ESR2: variants seen among roughly 807,000 people sequenced by gnomAD.
ESR2 encodes estrogen receptor beta.
Under a neutral mutation model 49.6 loss-of-function variants are expected in ESR2, and 36 were observed. The ratio of observed to expected loss-of-function variants is 0.73; its 90% CI spans 0.56 to 0.96. ESR2 has a LOEUF of 0.96. Among genes scored for constraint, ESR2 ranks in the 40% least tolerant of loss-of-function variants. The pLI is 0.00. For missense variants in ESR2, 714 were observed against 693.0 expected (o/e 1.03, Z -0.34); for synonymous variants, 320 against 266.1 (o/e 1.20, Z -1.97).
At chr14:64,271,471 G>A (rs145855293) in intron 3 of ESR2, among the ~76,000 whole-genome samples, 3,415 of 152,166 alleles carry the variant, frequency 0.022, 101 homozygotes, top group East Asian at 0.086. Flanking sequence ...GACTACAGGC[G>A]CATGCCGCCA....
rs2098728617 is a variant in ESR2 at position 64,232,906 on chromosome 14, A to T, written c.*231T>A. The T allele has an allele frequency of 1.4e-6, 1 of 692,432 alleles. No homozygotes were observed. The highest frequency in any genetic ancestry group is 4.1e-5 in the South Asian group (1 of 24,614). 42.9% of individuals were successfully genotyped at this position (692,432 alleles called of 1,614,324 possible). ...ACACTGAGATCCTATGAGGCCATTG[A>T]GTGTGGAAACGCTGCATTCAAATGT... On this transcript the variant is annotated 3_prime_UTR_variant, in exon 9 of 9. Coordinates refer to ENST00000341099, the MANE Select transcript of ESR2 (RefSeq NM_001437.3).
At chr14:64,280,558 C>T (rs1268350337) in intron 2 of ESR2, among the ~76,000 whole-genome samples, 2 of 152,186 alleles carry the variant, frequency 1.3e-5, no homozygotes, top group Non-Finnish European at 2.9e-5. Flanking sequence ...CTAGAGTTCA[C>T]GAATGCTGCA....
chr14:64,281,997 GAAAGT>G (rs1053510570), intron 2 of ESR2, among the ~76,000 whole-genome samples: 35 of 152,314 alleles, frequency 2.3e-4, no homozygotes, highest in African/African-American at 7.7e-4. Context: ...CTTTGAAACT[GAAAGT>G]AAAGTAAAAA....
intron 7 of ESR2, among the ~76,000 whole-genome samples, chr14:64,246,298 C>T (rs1247828854): frequency 6.6e-6 from 1 of 152,126 alleles, no homozygotes; most frequent in African/African-American, 2.4e-5. Flanking sequence ...TTCCCCCATG[C>T]TGTTCTCATG....
In ESR2 at chr14:64,232,000, G is replaced by C. The variant is rs1173950543; in HGVS notation, c.*1137C>G. ...TTTAAAAGAGCTCTCAAGTGTAAAA[G>C]AATTCTTTCTTGCTATAAATAATTA... On this transcript the variant is annotated 3_prime_UTR_variant, in exon 9 of 9. Coordinates refer to ENST00000341099, the MANE Select transcript of ESR2 (RefSeq NM_001437.3). The C allele has an allele frequency of 6.6e-6, 1 of 152,118 alleles. No individual in the cohort carries two copies. The highest frequency in any genetic ancestry group is 1.5e-5 in the Non-Finnish European group (1 of 68,008). 9.4% of individuals were successfully genotyped at this position (152,118 alleles called of 1,614,324 possible).
intron 1 of ESR2, among the ~76,000 whole-genome samples, chr14:64,327,881 A>G (rs1281285300): frequency 6.6e-6 from 1 of 151,200 alleles, no homozygotes; most frequent in African/African-American, 2.4e-5. Flanking sequence ...AAAAATAAAA[A>G]TAAATAAAAA....
chr14:64,301,824 T>G (rs956813821), intron 1 of ESR2, among the ~76,000 whole-genome samples: 2 of 152,218 alleles, frequency 1.3e-5, no homozygotes, highest in African/African-American at 4.8e-5. Context: ...CCTGACACTT[T>G]GTAAATTCTC....
At position 64,329,168 on chromosome 14, in the gene ESR2, T is replaced by C. The variant is rs544013185; in HGVS notation, c.-91+8730A>G. ...TATGATACTGTGTGTGTAGATCACATGGTGAAAGAGAAGGCAAGAGAGAGA... is the reference window on the plus strand; with the variant it reads ...TATGATACTGTGTGTGTAGATCACACGGTGAAAGAGAAGGCAAGAGAGAGA... On this transcript the variant is annotated intron_variant, in intron 1 of 8. Coordinates refer to the ESR2 transcript ENST00000358599. 1.1e-4 allele frequency among the ~76,000 whole-genome samples: 11 copies of C among 96,898 alleles called. 2 individuals are homozygous for C. In the South Asian group the frequency reaches 3.5e-3, roughly 31 times the overall value. The allele number at this position is 96,898 out of a possible 152,430, so 63.6% of individuals were successfully genotyped here.
intron 3 of ESR2, among the ~76,000 whole-genome samples, chr14:64,272,636 C>T (rs895282495): frequency 4.6e-5 from 7 of 152,072 alleles, no homozygotes; most frequent in African/African-American, 1.7e-4. Context: ...TTTCCCAGCA[C>T]CATTTATTGA....
intron 7 of ESR2, among the ~76,000 whole-genome samples, chr14:64,242,543 AT>A (rs1326044620): frequency 6.6e-6 from 1 of 151,586 alleles, no homozygotes. Flanking sequence ...GAAACCTTGT[AT>A]TCCCAAAAAT....
intron 1 of ESR2, among the ~76,000 whole-genome samples, chr14:64,309,522 A>G (rs149851053): frequency 0.057 from 8,522 of 149,872 alleles, 340 homozygotes; most frequent in Non-Finnish European, 0.082. Flanking sequence ...GAGGCAGGAG[A>G]ATTGCTCGAA....
chr14:64,280,992 G>A (rs539153968), intron 2 of ESR2, among the ~76,000 whole-genome samples: 1 of 152,256 alleles, frequency 6.6e-6, no homozygotes, highest in African/African-American at 2.4e-5. Context: ...CTGGGCAACA[G>A]AGTGAGACTC....
At chr14:64,263,583 G>A (rs2076264378) in intron 4 of ESR2, among the ~76,000 whole-genome samples, 1 of 152,066 alleles carries the variant, frequency 6.6e-6, no homozygotes, top group South Asian at 2.1e-4. Context: ...CACAAACCCA[G>A]GAGGCACAGT....
chr14:64,236,356 C>G (rs1176577992), intron 7 of ESR2, among the ~76,000 whole-genome samples: 1 of 152,184 alleles, frequency 6.6e-6, no homozygotes, highest in African/African-American at 2.4e-5. Flanking sequence ...CCAGAATCCC[C>G]CCACAGCCTC....
chr14:64,318,215 T>C (rs116525217), intron 1 of ESR2, among the ~76,000 whole-genome samples: 2,389 of 152,210 alleles, frequency 0.016, 67 homozygotes, highest in East Asian at 0.088. Context: ...TATGAACAAT[T>C]AGAAATTGAA....
At chr14:64,309,682 G>T (rs1003129524) in intron 1 of ESR2, among the ~76,000 whole-genome samples, 2 of 149,646 alleles carry the variant, frequency 1.3e-5, no homozygotes, top group African/African-American at 4.9e-5. Flanking sequence ...AACAAGACTG[G>T]GTATAAACTG....
chr14:64,284,942 CAGGTTCA>C (rs1161597565), intron 1 of ESR2, among the ~76,000 whole-genome samples: 1 of 151,936 alleles, frequency 6.6e-6, no homozygotes, highest in Non-Finnish European at 1.5e-5. Context: ...CTCCACCTTC[CAGGTTCA>C]AGCGATTCTT....
At chr14:64,256,792 G>A (rs190522674) in intron 6 of ESR2, among the ~76,000 whole-genome samples, 1 of 152,204 alleles carries the variant, frequency 6.6e-6, no homozygotes, top group East Asian at 1.9e-4. Context: ...GTTAAAGCAT[G>A]TGAAAATAAA....
chr14:64,294,569 C>T (rs1596468834), upstream of ESR2, among the ~76,000 whole-genome samples: 2 of 152,322 alleles, frequency 1.3e-5, no homozygotes, highest in African/African-American at 2.4e-5. Flanking sequence ...ATGGCGCTCC[C>T]CGCAGCCCCA....
Sources: gnomAD v4.1 joint callset for allele counts (sites outside exome capture counted in the v4.1 genomes callset) on GRCh38, gnomAD v4.1.1 for gene constraint, MANE v1.5 for transcripts, NCBI Gene and HGNC (gene_info 2026-07-23, HGNC 2026-07-21) for gene names.